RIN2: variants seen among roughly 807,000 people sequenced by gnomAD.
The protein encoded by RIN2 is Ras and Rab interactor 2.
Under a neutral mutation model 78.0 loss-of-function variants are expected in RIN2, and 36 were observed. The observed-to-expected ratio is 0.46, with a 90% confidence interval of 0.35 to 0.61. The LOEUF (loss-of-function observed/expected upper bound fraction) is 0.61. Among genes scored for constraint, RIN2 ranks in the 20% least tolerant of loss-of-function variants. The pLI is 0.00. For missense variants in RIN2, 1,087 were observed against 1,159.7 expected (o/e 0.94, Z 0.91); for synonymous variants, 466 against 466.8 (o/e 1.00, Z 0.02).
At chr20:19,835,058 A>G (rs1330767764) in intron 2 of RIN2, among the ~76,000 whole-genome samples, 3 of 151,286 alleles carry the variant, frequency 2.0e-5, no homozygotes, top group Non-Finnish European at 2.9e-5. Context: ...AGACAGAAAG[A>G]AAGAGAAAAA....
chr20:19,969,264 C>T (rs1004179891), intron 7 of RIN2, among the ~76,000 whole-genome samples: 2 of 152,184 alleles, frequency 1.3e-5, no homozygotes, highest in African/African-American at 2.4e-5. Flanking sequence ...TGGAAATTCT[C>T]AGCACGTCTC....
chr20:19,925,592 C>T (rs1275942714), intron 3 of RIN2, among the ~76,000 whole-genome samples: 1 of 152,052 alleles, frequency 6.6e-6, no homozygotes, highest in Non-Finnish European at 1.5e-5. Context: ...CAAGAAACCA[C>T]AAAATAGGCA....
At chr20:19,931,822 A>G (rs2146103830) in intron 3 of RIN2, among the ~76,000 whole-genome samples, 1 of 149,196 alleles carries the variant, frequency 6.7e-6, no homozygotes, top group East Asian at 2.0e-4. Context: ...GTAGCATTTT[A>G]TACTCAATTA....
chr20:19,773,960 A>G (rs2034224353), intron 1 of RIN2, among the ~76,000 whole-genome samples: 1 of 151,402 alleles, frequency 6.6e-6, no homozygotes, highest in Admixed American at 6.6e-5. Context: ...TCATATAAAA[A>G]TCACCATCAT....
chr20:19,872,964 TA>T (rs1251712193), intron 2 of RIN2, among the ~76,000 whole-genome samples: 3 of 152,072 alleles, frequency 2.0e-5, no homozygotes, highest in Non-Finnish European at 2.9e-5. Flanking sequence ...ATAAATTAAT[TA>T]AATGTTTTAA....
chr20:19,853,765 G>C (rs918482776), intron 2 of RIN2, among the ~76,000 whole-genome samples: 1 of 152,144 alleles, frequency 6.6e-6, no homozygotes, highest in Non-Finnish European at 1.5e-5. Flanking sequence ...GTTCTTCGTA[G>C]ATTCTGGATA....
chr20:19,873,726 C>T (rs899311885), intron 2 of RIN2, among the ~76,000 whole-genome samples: 1 of 152,130 alleles, frequency 6.6e-6, no homozygotes. Flanking sequence ...AAGTGCATCT[C>T]CATAGAACCG....
intron 2 of RIN2, among the ~76,000 whole-genome samples, chr20:19,851,028 AG>A (rs1568814876): frequency 9.2e-6 from 1 of 109,254 alleles, no homozygotes; most frequent in Non-Finnish European, 1.9e-5. Context: ...GAAGGAAGGA[AG>A]GAAGGAAGGA....
intron 1 of RIN2, among the ~76,000 whole-genome samples, chr20:19,795,996 C>T (rs779519838): frequency 1.3e-5 from 2 of 151,438 alleles, no homozygotes; most frequent in Non-Finnish European, 2.9e-5. Context: ...TGCACCATTG[C>T]ATTCCAGCCT....
At chr20:19,762,998 C>T (rs1285867989) in intron 1 of RIN2, among the ~76,000 whole-genome samples, 2 of 152,090 alleles carry the variant, frequency 1.3e-5, no homozygotes, top group Admixed American at 6.5e-5. Flanking sequence ...CTCCTGACCT[C>T]GGGTAATCCA....
intron 2 of RIN2, among the ~76,000 whole-genome samples, chr20:19,863,101 C>T (rs6046377): frequency 0.013 from 2,049 of 152,214 alleles, 48 homozygotes; most frequent in African/African-American, 0.047. Context: ...TCAAATCAAT[C>T]TGAATAGGAA....
In RIN2 at chr20:19,886,580, C is replaced by A. The variant is rs1036957423; in HGVS notation, c.-36-2986C>A. On this transcript the variant is annotated intron_variant, in intron 2 of 12. Coordinates refer to ENST00000255006, the MANE Select transcript of RIN2 (RefSeq NM_018993.4). ...CCCAAATGTTTGCAGTGTCCTTAGT[C>A]CTATGAGGGCTGCCTTCTTCTTCTT... 1.8e-5 allele frequency: 13 copies of A among 738,516 alleles called. No homozygotes were observed. In the East Asian group the frequency reaches 3.2e-4, roughly 18 times the overall value. 45.7% of individuals were successfully genotyped at this position (738,516 alleles called of 1,614,324 possible).
intron 9 of RIN2, among the ~76,000 whole-genome samples, chr20:19,978,635 T>C (rs1045851982): frequency 6.6e-5 from 10 of 152,212 alleles, no homozygotes; most frequent in African/African-American, 2.4e-4. Flanking sequence ...TTTGGAGCAC[T>C]TCCAACCAAA....
chr20:19,846,216 T>C (rs1229764436), intron 2 of RIN2, among the ~76,000 whole-genome samples: 3 of 152,200 alleles, frequency 2.0e-5, no homozygotes, highest in Non-Finnish European at 4.4e-5. Flanking sequence ...TACGGGCTCT[T>C]TTTTGGTTCC....
chr20:19,996,302 A>G (rs576984654), intron 11 of RIN2, among the ~76,000 whole-genome samples: 3 of 152,342 alleles, frequency 2.0e-5, no homozygotes, highest in African/African-American at 7.2e-5. Context: ...TGACAAAGCA[A>G]GACGCCGTCT....
chr20:19,965,144 AC>A, intron 7 of RIN2, 120 bp downstream of exon 7: 1 of 781,952 alleles, frequency 1.3e-6, no homozygotes, highest in Non-Finnish European at 2.2e-6. Context: ...GCAGATTAAG[AC>A]TGGTTACTTA....
At chr20:19,924,488 C>CT (rs2079225465) in intron 3 of RIN2, among the ~76,000 whole-genome samples, 1 of 125,488 alleles carries the variant, frequency 8.0e-6, no homozygotes, top group Non-Finnish European at 1.9e-5. Context: ...ACCTTCATAC[C>CT]CCACCTTCAT....
rs377220089 is a variant in RIN2 at position 19,864,440 on chromosome 20, G to A, written c.-36-25126G>A. Among the ~76,000 whole-genome samples the A allele has an allele frequency of 3.9e-5, 6 of 152,274 alleles. No individual in the cohort carries two copies. The East Asian group carries it at 7.7e-4, about 20-fold the overall frequency. ...GCTCTATAAACAAAATTACCAGGTC[G>A]TGAAACACAGCATCCTTTGAATCCT... is the stretch of plus-strand genomic sequence containing the variant. On this transcript the variant is annotated intron_variant, in intron 2 of 12. Transcript: ENST00000255006.
intron 1 of RIN2, among the ~76,000 whole-genome samples, chr20:19,778,906 C>G (rs1416436620): frequency 6.6e-6 from 1 of 152,194 alleles, no homozygotes; most frequent in Non-Finnish European, 1.5e-5. Flanking sequence ...TTCCCCTTCT[C>G]CATTTCCTTA....
Sources: gnomAD v4.1 joint callset for allele counts (sites outside exome capture counted in the v4.1 genomes callset) on GRCh38, gnomAD v4.1.1 for gene constraint, MANE v1.5 for transcripts, NCBI Gene and HGNC (gene_info 2026-07-23, HGNC 2026-07-21) for gene names.